TMPRSS7: variants seen among roughly 807,000 people sequenced by gnomAD.
TMPRSS7 encodes the protein transmembrane protease serine 7.
Under a neutral mutation model 95.6 loss-of-function variants are expected in TMPRSS7, and 81 were observed. The observed-to-expected ratio is 0.85, with a 90% CI of 0.71 to 1.02. TMPRSS7 has a LOEUF of 1.02. Ranked by LOEUF, TMPRSS7 falls within the 50% of genes least tolerant of loss-of-function variation. The pLI, the probability that TMPRSS7 is intolerant of heterozygous loss-of-function variation, is 0.00. For missense variants in TMPRSS7, 945 were observed against 955.2 expected (o/e 0.99, Z 0.14); for synonymous variants, 364 against 337.8 (o/e 1.08, Z -0.85).
At chr3:112,049,683 G>C (rs181352088) in intron 7 of TMPRSS7, among the ~76,000 whole-genome samples, 161 bp from the exon 8 acceptor site, 34 of 152,314 alleles carry the variant, frequency 2.2e-4, no homozygotes, top group Non-Finnish European at 3.5e-4. Flanking sequence ...GTAGTGCTCT[G>C]TGGCTACTAA....
In TMPRSS7 at chr3:112,063,025, G is replaced by T. The variant is rs139756233; in HGVS notation, c.1448-500G>T. On this transcript the variant is annotated intron_variant, in intron 11 of 17. Transcript: ENST00000452346. ...AATCTCTCTAGGTCCAACGTGATAA[G>T]AGCAGTGGTTACTAATATGTTTTGG... Among the ~76,000 whole-genome samples, 6 of 152,296 alleles carry T rather than the reference G, an allele frequency of 3.9e-5. No homozygotes were observed. The East Asian group carries it at 1.2e-3, about 29-fold the overall frequency.
At chr3:112,048,242 T>A (rs2073304397) in intron 7 of TMPRSS7, among the ~76,000 whole-genome samples, 1 of 152,210 alleles carries the variant, frequency 6.6e-6, no homozygotes, top group African/African-American at 2.4e-5. Context: ...ACAGATACTT[T>A]GTTTAATTTT....
intron 17 of TMPRSS7, among the ~76,000 whole-genome samples, chr3:112,079,179 T>C (rs2073749152): frequency 6.6e-6 from 1 of 152,246 alleles, no homozygotes; most frequent in Non-Finnish European, 1.5e-5. Flanking sequence ...TCCTATTTCC[T>C]TAGCAGCTGC....
chr3:112,034,860 CA>C lies in TMPRSS7; in HGVS notation c.16del (p.Ser6AlafsTer10). On this transcript the variant is annotated frameshift_variant, in exon 1 of 18. Transcript: ENST00000452346. LOFTEE classifies it high-confidence loss of function. ...AACGCCTAATAATGGACAAAGAAAA[CA>C]GCGATGTTTCAGCCGCACCTGCTGA... The C allele has an allele frequency of 1.4e-6, 1 of 702,888 alleles. No individual in the cohort carries two copies. Among genetic ancestry groups the C allele is most frequent in the Non-Finnish European group, 2.6e-6 (1 of 384,932 alleles). The allele number at this position is 702,888 out of a possible 1,614,324, so 43.5% of individuals were successfully genotyped here. A position where few individuals can be genotyped will look rare whatever the true frequency, so the allele number is the denominator to read the frequency against.
rs1048714676 is a variant in TMPRSS7 at position 112,044,166 on chromosome 3, C to T, written c.430-89C>T. The T allele has an allele frequency of 1.6e-5, 13 of 838,380 alleles. No individual in the cohort carries two copies. In the African/African-American group the frequency reaches 1.7e-4, roughly 11 times the overall value. 51.9% of individuals were successfully genotyped at this position (838,380 alleles called of 1,614,324 possible). A position where few individuals can be genotyped will look rare whatever the true frequency, so the allele number is the denominator to read the frequency against. ...TGAGGCTTGCATTTCTTCTTGCTGG[C>T]TGTCAGAGCTTGGGCCTACAACATT... On this transcript the variant is annotated intron_variant, in intron 3 of 17. Coordinates refer to ENST00000452346, the Ensembl canonical transcript of TMPRSS7.
At chr3:112,040,100 T>G (rs995726304) in intron 2 of TMPRSS7, among the ~76,000 whole-genome samples, 2 of 151,732 alleles carry the variant, frequency 1.3e-5, no homozygotes, top group South Asian at 4.2e-4. Flanking sequence ...TTTTCCTAGA[T>G]GTACTCTCAG....
chr3:112,078,891 AC>A lies in TMPRSS7; in HGVS notation c.2361+15del. Reference sequence around the variant, plus strand: ...AGATGCCTGCAAAGTAAGTCATTGTACCTTTCCCTTGCCTAACATGTTGTGC... The same window carrying A: ...AGATGCCTGCAAAGTAAGTCATTGTACTTTCCCTTGCCTAACATGTTGTGC... On this transcript the variant is annotated intron_variant, in intron 17 of 17. Transcript: ENST00000452346. The A allele has an allele frequency of 6.2e-7, 1 of 1,612,144 alleles. No individual in the cohort carries two copies. The highest frequency in any genetic ancestry group is 8.5e-7 in the Non-Finnish European group (1 of 1,179,426).
At chr3:112,064,071 C>G (rs558258717) in intron 12 of TMPRSS7, among the ~76,000 whole-genome samples, 2 of 152,312 alleles carry the variant, frequency 1.3e-5, no homozygotes, top group East Asian at 3.9e-4. Flanking sequence ...AAGTCACATA[C>G]TTGAGAACAA....
chr3:112,042,399 T>G (rs1191582965), intron 3 of TMPRSS7, among the ~76,000 whole-genome samples: 2 of 152,226 alleles, frequency 1.3e-5, no homozygotes, highest in Non-Finnish European at 2.9e-5. Flanking sequence ...ACACATTTAT[T>G]TCAACCTTGA....
intron 12 of TMPRSS7, among the ~76,000 whole-genome samples, chr3:112,065,445 A>G (rs1448307268): frequency 6.6e-6 from 1 of 152,224 alleles, no homozygotes; most frequent in Non-Finnish European, 1.5e-5. Context: ...AAGAAAATAA[A>G]TACTGATCAT....
rs753285417 is a variant in TMPRSS7 at position 112,038,147 on chromosome 3, C to T, written c.124C>T (p.Arg42Ter). The change falls in exon 2 of 18, where the codon CGA becomes TGA. Residue 42 changes from arginine to a stop codon, truncating the protein, a stop_gained. Transcript: ENST00000452346. LOFTEE classifies it high-confidence loss of function. ...GAGACGACCACCGTTGCCAGGGAGA[C>T]GACTACCATTGCCAGGAAGACGACC... 37 of 702,752 alleles carry T rather than the reference C, an allele frequency of 5.3e-5. No individual in the cohort carries two copies. The Middle Eastern group carries it at 6.9e-4, about 13-fold the overall frequency. The allele number at this position is 702,752 out of a possible 1,614,324, so 43.5% of individuals were successfully genotyped here.
At chr3:112,037,188 T>C (rs2073155894) in intron 1 of TMPRSS7, among the ~76,000 whole-genome samples, 1 of 152,244 alleles carries the variant, frequency 6.6e-6, no homozygotes, top group African/African-American at 2.4e-5. Context: ...AGAGCCATAT[T>C]TCTCTTATTG....
At chr3:112,036,044 C>T (rs548400585) in intron 1 of TMPRSS7, among the ~76,000 whole-genome samples, 3 of 152,132 alleles carry the variant, frequency 2.0e-5, no homozygotes, top group East Asian at 1.9e-4. Context: ...ACATGCTTTA[C>T]GAACAATTTG....
chr3:112,066,448 T>G (rs1267216442), exon 13 of TMPRSS7: 1 of 1,614,066 alleles, frequency 6.2e-7, no homozygotes, highest in Non-Finnish European at 8.5e-7. Context: ...CCCTCTCATC[T>G]GTGATGGCTT....
intron 1 of TMPRSS7, among the ~76,000 whole-genome samples, chr3:112,036,088 A>G (rs745309928): frequency 2.0e-5 from 3 of 152,158 alleles, no homozygotes; most frequent in Non-Finnish European, 4.4e-5. Flanking sequence ...TGTACAATCT[A>G]TGCAAATTAT....
chr3:112,055,970 T>G (rs2073427999), intron 9 of TMPRSS7, among the ~76,000 whole-genome samples: 1 of 152,148 alleles, frequency 6.6e-6, no homozygotes, highest in Admixed American at 6.5e-5. Context: ...GGCAGGTGGA[T>G]CACTTGAGCC....
chr3:112,065,678 T>C (rs1327684793), intron 12 of TMPRSS7, among the ~76,000 whole-genome samples: 1 of 152,174 alleles, frequency 6.6e-6, no homozygotes, highest in East Asian at 1.9e-4. Flanking sequence ...AAGAGCTAGC[T>C]CTGAAAAAAC....
At chr3:112,041,101 C>T (rs1014957204) in intron 2 of TMPRSS7, among the ~76,000 whole-genome samples, 5 of 150,062 alleles carry the variant, frequency 3.3e-5, no homozygotes, top group Non-Finnish European at 7.4e-5. Context: ...AAATCTAGGA[C>T]GCACTTCCCT....
intron 3 of TMPRSS7, among the ~76,000 whole-genome samples, chr3:112,042,531 G>A (rs546467349): frequency 6.6e-6 from 1 of 152,192 alleles, no homozygotes; most frequent in African/African-American, 2.4e-5. Flanking sequence ...CTTCTTTAAT[G>A]TCATCACCGG....
Sources: gnomAD v4.1 joint callset for allele counts (sites outside exome capture counted in the v4.1 genomes callset) on GRCh38, gnomAD v4.1.1 for gene constraint, MANE v1.5 for transcripts, NCBI Gene and HGNC (gene_info 2026-07-23, HGNC 2026-07-21) for gene names.